Variants in JUP observed in about 807,000 individuals in gnomAD.
The protein encoded by JUP is catenin (cadherin-associated protein), gamma 80kDa.
JUP carries 28 observed loss-of-function variants against 71.1 expected under a neutral mutation model. That is an observed-to-expected ratio of 0.39 (90% confidence interval 0.29 to 0.54). The LOEUF (loss-of-function observed/expected upper bound fraction) is 0.54. JUP is among the 20% of genes least tolerant of loss of function. The pLI is 0.62. For missense variants in JUP, 869 were observed against 1,030.1 expected, an observed-to-expected ratio of 0.84 and a Z score of 2.14; for synonymous variants, 401 against 438.9, an observed-to-expected ratio of 0.91 and a Z score of 1.08.
At chr17:41,757,899 T>C (rs1555599096) in intron 10 of JUP, 115 bp from the exon 11 acceptor site, 1 of 879,512 alleles carries the variant, frequency 1.1e-6, no homozygotes, top group African/African-American at 1.7e-5. Flanking sequence ...TAGTGGAAAA[T>C]GGGCCGTCAC....
At chr17:41,778,336 AG>A (rs1247236232) in intron 1 of JUP, among the ~76,000 whole-genome samples, 11 of 151,976 alleles carry the variant, frequency 7.2e-5, no homozygotes, top group African/African-American at 2.7e-4. Flanking sequence ...AGGCCAAGGC[AG>A]GTGAATCCCC....
chr17:41,760,659 C>CAAGT (rs1312093559), intron 8 of JUP, among the ~76,000 whole-genome samples: 2 of 152,194 alleles, frequency 1.3e-5, no homozygotes, highest in South Asian at 2.1e-4. Flanking sequence ...CTTCCGGGTT[C>CAAGT]AAGTAATTCT....
At chr17:41,760,236 GTTTT>G (rs761170665) in intron 8 of JUP, among the ~76,000 whole-genome samples, 1 of 151,088 alleles carries the variant, frequency 6.6e-6, no homozygotes, top group Non-Finnish European at 1.5e-5. Context: ...TCTGCACTGG[GTTTT>G]TTTTGTTTGT....
intron 5 of JUP, 118 bp from the exon 6 acceptor site, chr17:41,765,185 T>G: frequency 1.0e-6 from 1 of 995,520 alleles, no homozygotes; most frequent in Non-Finnish European, 1.5e-6. Flanking sequence ...GAATAGTTCG[T>G]TTTTTTCTTT....
intron 1 of JUP, among the ~76,000 whole-genome samples, chr17:41,777,951 C>T (rs1320671867): frequency 1.3e-5 from 2 of 152,194 alleles, no homozygotes; most frequent in Admixed American, 6.5e-5. Context: ...GACCCCAAAC[C>T]GGGACTCCTG....
chr17:41,764,916 T>C lies in JUP; in HGVS notation c.1054+7A>G. 6.2e-7 allele frequency: 1 copy of C among 1,614,134 alleles called. No homozygotes were observed. Among genetic ancestry groups the C allele is most frequent in the Non-Finnish European group, 8.5e-7 (1 of 1,180,006 alleles). On this transcript the variant is annotated splice_region_variant and intron_variant, in intron 6 of 13. Transcript: ENST00000393931. ...ACCCCAGCCGCCCTCAAGGCCATCA[T>C]ACTCACCAGCCTCCACAATGGCAGG...
intron 1 of JUP, among the ~76,000 whole-genome samples, chr17:41,784,357 T>A (rs2047343496): frequency 6.6e-6 from 1 of 152,120 alleles, no homozygotes; most frequent in Non-Finnish European, 1.5e-5. Flanking sequence ...AGCTGGGGCT[T>A]GATCTAGCAA....
intron 1 of JUP, among the ~76,000 whole-genome samples, chr17:41,784,254 C>T (rs2047336191): frequency 1.3e-5 from 2 of 152,092 alleles, no homozygotes; most frequent in African/African-American, 4.8e-5. Context: ...AAGCCTCGGC[C>T]CTGGCAGCCC....
At chr17:41,761,407 A>T (rs1914784907) in intron 8 of JUP, among the ~76,000 whole-genome samples, 1 of 152,180 alleles carries the variant, frequency 6.6e-6, no homozygotes, top group Non-Finnish European at 1.5e-5. Context: ...GGGCTAGAAC[A>T]CATCCGTGGG....
chr17:41,760,557 C>A (rs937721467), intron 8 of JUP, among the ~76,000 whole-genome samples: 2 of 148,218 alleles, frequency 1.3e-5, no homozygotes, highest in African/African-American at 5.0e-5. Flanking sequence ...CACGCCTGGC[C>A]ATGTTTTTTG....
At chr17:41,768,898 C>G (rs1916118761) in intron 4 of JUP, 71 bp downstream of exon 4, 2 of 1,209,798 alleles carry the variant, frequency 1.7e-6, no homozygotes, top group Admixed American at 2.0e-5. Flanking sequence ...TTTATGGAAG[C>G]TCAGGGAAGG....
At chr17:41,783,667 T>C (rs1219347120) in intron 1 of JUP, among the ~76,000 whole-genome samples, 1 of 151,394 alleles carries the variant, frequency 6.6e-6, no homozygotes, top group Non-Finnish European at 1.5e-5. Flanking sequence ...ACGCCTGTAA[T>C]CCCAGCACTT....
At chr17:41,775,152 A>G (rs926003841) in intron 1 of JUP, among the ~76,000 whole-genome samples, 2 of 151,950 alleles carry the variant, frequency 1.3e-5, no homozygotes, top group African/African-American at 2.4e-5. Context: ...GCTCTGCCAC[A>G]AACTTGCTGG....
chr17:41,771,652 C>G lies in JUP; in HGVS notation c.203G>C (p.Ser68Thr). The G allele has an allele frequency of 1.2e-6, 2 of 1,613,536 alleles. No individual in the cohort carries two copies. The highest frequency in any genetic ancestry group is 2.2e-5 in the East Asian group (1 of 44,866). ...TTTYTQGVPP[S>T]QGDLEYQMST... The stretch of plus-strand genomic sequence containing the variant: ...TAGTCCCCAGGGGTCCTGACCTTGG[C>G]TGGGGGGCACCCCCTGGGTGTAAGT... The change falls in exon 2 of 14, where the codon AGC (serine) becomes ACC (threonine). Residue 68 changes from serine to threonine, a missense_variant. By Grantham distance (58) the Ser-to-Thr change is moderately conservative. Coordinates refer to ENST00000393931, the MANE Select transcript of JUP (RefSeq NM_002230.4).
At position 41,768,844 on chromosome 17, in the gene JUP, T is replaced by A. The variant is rs563873683; in HGVS notation, c.707+125A>T. The A allele has an allele frequency of 5.3e-4, 414 of 784,290 alleles. 9 individuals carry two copies. Among genetic ancestry groups the A allele is most frequent in the South Asian group, 3.7e-3 (253 of 68,830 alleles). The allele number at this position is 784,290 out of a possible 1,614,324, so 48.6% of individuals were successfully genotyped here. On this transcript the variant is annotated intron_variant, in intron 4 of 13. Transcript: ENST00000393931. Reference sequence around the variant, plus strand: ...GGCTGTGAGCCACCGAGCACCCGGATGGGGTGTGCTTCTGCCTGGCACATA... The same window carrying A: ...GGCTGTGAGCCACCGAGCACCCGGAAGGGGTGTGCTTCTGCCTGGCACATA...
At chr17:41,785,134 G>T (rs540709317) in intron 1 of JUP, 18 of 152,130 alleles carry the variant, frequency 1.2e-4, no homozygotes, top group Admixed American at 9.8e-4. Flanking sequence ...GGAAAGGTCT[G>T]TGCAGGCCTC....
chr17:41,777,333 AG>A (rs1338504782), intron 1 of JUP, among the ~76,000 whole-genome samples: 2 of 152,192 alleles, frequency 1.3e-5, no homozygotes, highest in African/African-American at 4.8e-5. Context: ...TGGGCTCAGC[AG>A]GATCTCCAGC....
chr17:41,770,130 C>T (rs1555606260), intron 2 of JUP, among the ~76,000 whole-genome samples: 2 of 152,140 alleles, frequency 1.3e-5, no homozygotes, highest in African/African-American at 4.8e-5. Flanking sequence ...CTGTTTTCAA[C>T]CCTGAAATCT....
chr17:41,769,134 C>A lies in JUP; in HGVS notation c.542G>T (p.Gly181Val), dbSNP rs1555605325. ...KKEASRRALMGSPQLVAAVVR... is the reference protein window; with the variant it reads ...KKEASRRALMVSPQLVAAVVR... ...GACAGCGGCCACCAGCTGGGGCGAG[C>A]CCATCAGGGCCCGCCGCGACGCCTC... The change falls in exon 4 of 14, where the codon GGC becomes GTC. Residue 181 changes from glycine to valine, a missense_variant. Physicochemically the swap from Gly to Val is moderately radical, Grantham distance 109. Coordinates refer to ENST00000393931, the MANE Select transcript of JUP (RefSeq NM_002230.4). The A allele has an allele frequency of 6.2e-7, 1 of 1,608,810 alleles. No individual in the cohort carries two copies. Among genetic ancestry groups the A allele is most frequent in the Non-Finnish European group, 8.5e-7 (1 of 1,179,876 alleles).
Sources: allele counts gnomAD v4.1 joint callset (sites outside exome capture counted in the v4.1 genomes callset), GRCh38; gene constraint gnomAD v4.1.1; transcripts MANE v1.5; gene names NCBI Gene and HGNC (gene_info 2026-07-23, HGNC 2026-07-21).